PHLPP1: variants seen among roughly 807,000 people sequenced by gnomAD.
PHLPP1 encodes the protein PH domain and leucine rich repeat protein phosphatase 1.
PHLPP1 carries 42 observed loss-of-function variants against 117.2 expected under a neutral mutation model. The observed-to-expected ratio is 0.36, with a 90% confidence interval of 0.28 to 0.46. The LOEUF is 0.46. Ranked by LOEUF, PHLPP1 falls within the 20% of genes least tolerant of loss-of-function variation. The pLI is 1.00. For synonymous variants in PHLPP1, 1,042 were observed against 970.7 expected (o/e 1.07, Z -1.37); for missense variants, 2,084 against 2,241.9 (o/e 0.93, Z 1.42).
intron 4 of PHLPP1, among the ~76,000 whole-genome samples, chr18:62,864,844 T>G (rs2144366181): frequency 6.6e-6 from 1 of 152,314 alleles, no homozygotes; most frequent in South Asian, 2.1e-4. Flanking sequence ...ATAAGTAGGA[T>G]TAGTCTAAAT....
intron 8 of PHLPP1, among the ~76,000 whole-genome samples, chr18:62,912,287 A>G (rs1916974675): frequency 7.0e-6 from 1 of 142,690 alleles, no homozygotes; most frequent in Non-Finnish European, 1.5e-5. Context: ...ATGTACCCTA[A>G]AACTTAGAGT....
At chr18:62,906,150 T>G (rs1409631913) in intron 8 of PHLPP1, 1 of 152,236 alleles carries the variant, frequency 6.6e-6, no homozygotes, top group Non-Finnish European at 1.5e-5. Context: ...ATCACAACTA[T>G]TGTATGATTT....
At chr18:62,760,083 C>T (rs568867619) in intron 1 of PHLPP1, among the ~76,000 whole-genome samples, 4 of 152,268 alleles carry the variant, frequency 2.6e-5, no homozygotes, top group African/African-American at 9.6e-5. Flanking sequence ...TGAAAACTGG[C>T]AGTTCTAAGG....
chr18:62,860,322 A>G (rs1915600449), intron 3 of PHLPP1, 113 bp from the exon 4 acceptor site: 2 of 842,628 alleles, frequency 2.4e-6, no homozygotes. Context: ...TTGGACTAAC[A>G]GTGCTACTTT....
At chr18:62,957,245 G>T (rs890015516) in intron 12 of PHLPP1, among the ~76,000 whole-genome samples, 1 of 152,162 alleles carries the variant, frequency 6.6e-6, no homozygotes, top group Admixed American at 6.5e-5. Context: ...GAACACAAGG[G>T]CAGCCCCTCT....
chr18:62,968,529 CTTTTT>C (rs34849907), intron 14 of PHLPP1, among the ~76,000 whole-genome samples: 2 of 51,772 alleles, frequency 3.9e-5, no homozygotes, highest in African/African-American at 1.6e-4. Context: ...CATTATTAGG[CTTTTT>C]TTTTTTTTTT....
At chr18:62,762,654 T>G (rs908786739) in intron 1 of PHLPP1, among the ~76,000 whole-genome samples, 7 of 152,128 alleles carry the variant, frequency 4.6e-5, no homozygotes, top group Non-Finnish European at 8.8e-5. Flanking sequence ...CCTCAAATGA[T>G]CCACCTGCCT....
intron 3 of PHLPP1, 37 bp downstream of exon 3, chr18:62,838,946 C>T (rs1171683583): frequency 6.2e-7 from 1 of 1,610,318 alleles, no homozygotes; most frequent in Non-Finnish European, 8.5e-7. Context: ...CACTCAGCTT[C>T]TAGCTGGCTA....
chr18:62,924,901 G>A (rs2144431511), intron 10 of PHLPP1, among the ~76,000 whole-genome samples: 1 of 151,400 alleles, frequency 6.6e-6, no homozygotes, highest in South Asian at 2.1e-4. Context: ...ATACCTGGTA[G>A]CAGGAAGCTA....
intron 1 of PHLPP1, among the ~76,000 whole-genome samples, chr18:62,825,083 C>T (rs1312339615): frequency 1.3e-5 from 2 of 151,908 alleles, no homozygotes; most frequent in Admixed American, 6.6e-5. Flanking sequence ...CTCAGTCTCC[C>T]GAGTAGCTAG....
chr18:62,745,587 G>A (rs1056355741), intron 1 of PHLPP1, among the ~76,000 whole-genome samples: 1 of 152,118 alleles, frequency 6.6e-6, no homozygotes, highest in Non-Finnish European at 1.5e-5. Context: ...TGAGTGACGG[G>A]GATGTGCTAT....
At chr18:62,966,557 A>C (rs1599145471) in intron 14 of PHLPP1, among the ~76,000 whole-genome samples, 2 of 136,326 alleles carry the variant, frequency 1.5e-5, no homozygotes, top group South Asian at 4.5e-4. Flanking sequence ...TGCAAGCTCC[A>C]CCTCCCGGGT....
chr18:62,742,679 C>T (rs1911564712), intron 1 of PHLPP1, among the ~76,000 whole-genome samples: 1 of 152,220 alleles, frequency 6.6e-6, no homozygotes, highest in South Asian at 2.1e-4. Flanking sequence ...TGTGATCCAC[C>T]TGGCTCGGCC....
intron 1 of PHLPP1, among the ~76,000 whole-genome samples, chr18:62,802,629 T>C (rs1913820063): frequency 6.6e-6 from 1 of 152,150 alleles, no homozygotes; most frequent in African/African-American, 2.4e-5. Flanking sequence ...TAATAAATAT[T>C]GATTGAATTG....
rs759871731 is a variant in PHLPP1, at chr18:62,978,294, G to A, written c.4017G>A (p.Thr1339=). 2.6e-5 allele frequency: 42 copies of A among 1,610,788 alleles called. No individual in the cohort carries two copies. Among genetic ancestry groups the A allele is most frequent in the African/African-American group, 1.2e-4 (9 of 74,834 alleles). Residue 1339 remains threonine, a synonymous_variant, in exon 17 of 17, where the codon ACG becomes ACA. Transcript: ENST00000262719. The surrounding 1 kb of genome is among the most constrained non-coding windows in gnomAD (Gnocchi z 7.0). ...DGKVNGVTES[T]RILGYTFLHP... is the part of the protein sequence containing the mutation. Reference sequence around the variant, plus strand: ...AGGTGAACGGAGTGACTGAGTCCACGCGCATCCTGGGCTACACCTTCCTCC... The same window carrying A: ...AGGTGAACGGAGTGACTGAGTCCACACGCATCCTGGGCTACACCTTCCTCC...
intron 1 of PHLPP1, among the ~76,000 whole-genome samples, chr18:62,726,243 C>A (rs1324551731): frequency 6.6e-6 from 1 of 151,150 alleles, no homozygotes; most frequent in Non-Finnish European, 1.5e-5. Flanking sequence ...AAAAAAATCT[C>A]AATTTAAAAA....
chr18:62,948,992 A>G (rs545152805), intron 12 of PHLPP1, among the ~76,000 whole-genome samples: 1 of 152,162 alleles, frequency 6.6e-6, no homozygotes, highest in African/African-American at 2.4e-5. Context: ...TAAACTAAGC[A>G]TATTTTTAAT....
chr18:62,814,199 G>A (rs1914202430), intron 1 of PHLPP1, among the ~76,000 whole-genome samples: 1 of 152,218 alleles, frequency 6.6e-6, no homozygotes, highest in African/African-American at 2.4e-5. Flanking sequence ...TCAGTAAGAA[G>A]CAAGATTTAC....
intron 1 of PHLPP1, among the ~76,000 whole-genome samples, chr18:62,805,349 A>T (rs899818531): frequency 1.3e-5 from 2 of 151,346 alleles, no homozygotes; most frequent in Non-Finnish European, 2.9e-5. Flanking sequence ...ATACATATAC[A>T]GTATAATATA....
Sources: gnomAD v4.1 joint callset for allele counts (sites outside exome capture counted in the v4.1 genomes callset) on GRCh38, gnomAD v4.1.1 for gene constraint, Gnocchi (gnomAD v3.1) non-coding constraint, MANE v1.5 for transcripts, NCBI Gene and HGNC (gene_info 2026-07-23, HGNC 2026-07-21) for gene names.